Variants in PRLR observed in about 807,000 individuals in gnomAD.
PRLR encodes prolactin receptor.
Under a neutral mutation model 40.2 loss-of-function variants are expected in PRLR, and 13 were observed. The observed-to-expected ratio is 0.32, with a 90% CI of 0.21 to 0.51. The LOEUF is 0.51. Among genes scored for constraint, PRLR ranks in the 20% least tolerant of loss-of-function variants. The pLI is 0.97. For missense variants in PRLR, 656 were observed against 747.3 expected (o/e 0.88, Z 1.42); for synonymous variants, 269 against 278.7 (o/e 0.97, Z 0.35).
intron 1 of PRLR, among the ~76,000 whole-genome samples, chr5:35,123,540 G>T (rs1217043817): frequency 6.6e-6 from 1 of 152,156 alleles, no homozygotes; most frequent in Admixed American, 6.5e-5. Flanking sequence ...TGCTATTCTA[G>T]GGCCTTTGCC....
intron 1 of PRLR, among the ~76,000 whole-genome samples, chr5:35,199,817 G>C (rs11955662): frequency 0.31 from 46,639 of 151,932 alleles, 8,006 homozygotes; most frequent in African/African-American, 0.46. Context: ...ATTTGCACCC[G>C]AAGGTATTAA....
chr5:35,178,737 C>A (rs1561350325), intron 1 of PRLR, among the ~76,000 whole-genome samples: 1 of 152,146 alleles, frequency 6.6e-6, no homozygotes, highest in African/African-American at 2.4e-5. Context: ...TTTAGAAATA[C>A]CATATTTTTT....
chr5:35,090,742 A>T (rs1771143969), intron 2 of PRLR, among the ~76,000 whole-genome samples: 1 of 150,556 alleles, frequency 6.6e-6, no homozygotes, highest in African/African-American at 2.4e-5. Flanking sequence ...GACATGGAGA[A>T]ACGATAGCAA....
At chr5:35,094,120 G>A (rs780195907) in intron 2 of PRLR, among the ~76,000 whole-genome samples, 1 of 152,162 alleles carries the variant, frequency 6.6e-6, no homozygotes, top group South Asian at 2.1e-4. Context: ...TACCACTCAG[G>A]TCAAGAGATT....
rs116769574 is a variant in PRLR, at chr5:35,150,803, G to A, written c.-105-32681C>T. 2.2e-3 allele frequency among the ~76,000 whole-genome samples: 334 copies of A among 152,228 alleles called. 4 individuals are homozygous for A. Among genetic ancestry groups the A allele is most frequent in the African/African-American group, 7.4e-3 (307 of 41,538 alleles). On this transcript the variant is annotated intron_variant, in intron 1 of 9. Coordinates refer to ENST00000618457, the MANE Select transcript of PRLR (RefSeq NM_000949.7). ...GCCTTAGAGGAGACAGGACAAAGTC[G>A]GAGCTGAAAGAGACATTTTCTCCCC...
intron 5 of PRLR, among the ~76,000 whole-genome samples, chr5:35,077,702 A>T (rs1275079794): frequency 6.6e-6 from 1 of 152,190 alleles, no homozygotes; most frequent in Admixed American, 6.5e-5. Context: ...CACCAAGCGG[A>T]CCTAATAGAC....
At chr5:35,143,859 C>A (rs1774095244) in intron 1 of PRLR, among the ~76,000 whole-genome samples, 1 of 152,008 alleles carries the variant, frequency 6.6e-6, no homozygotes, top group East Asian at 1.9e-4. Flanking sequence ...GATTTTCTTT[C>A]TAAAATCAAT....
intron 1 of PRLR, among the ~76,000 whole-genome samples, chr5:35,138,471 GA>G (rs1434052174): frequency 6.6e-6 from 1 of 152,164 alleles, no homozygotes; most frequent in Non-Finnish European, 1.5e-5. Context: ...TTTTGTGATG[GA>G]ATTGCTGTGG....
At chr5:35,110,625 A>G (rs4703500) in intron 2 of PRLR, among the ~76,000 whole-genome samples, 13,230 of 152,154 alleles carry the variant, frequency 0.087, 1,478 homozygotes, top group African/African-American at 0.25. Context: ...ACTCACCAAG[A>G]GCAGGCTCAT....
intron 2 of PRLR, among the ~76,000 whole-genome samples, chr5:35,094,276 C>G (rs1771398207): frequency 6.6e-6 from 1 of 151,462 alleles, no homozygotes; most frequent in Non-Finnish European, 1.5e-5. Context: ...GATCATACAA[C>G]ATGCATTTCT....
chr5:35,218,735 T>C (rs1303316054), intron 1 of PRLR, among the ~76,000 whole-genome samples: 2 of 152,356 alleles, frequency 1.3e-5, no homozygotes, highest in African/African-American at 4.8e-5. Flanking sequence ...CCACCAGAAT[T>C]TTAAAGCAAA....
chr5:35,115,490 GC>G (rs35566625), intron 2 of PRLR, among the ~76,000 whole-genome samples: 8,393 of 152,166 alleles, frequency 0.055, 554 homozygotes, highest in East Asian at 0.18. Context: ...TAAGTATAGA[GC>G]TTTAAATGAA....
Position 35,049,090 on chromosome 5 carries a change from T to G in PRLR, c.*197A>C. The stretch of plus-strand genomic sequence containing the variant: ...ATAATTGTCCCTTTTTGTGTGGGTT[T>G]CCAGCTCCCAGTCAATTCTGCTTTG... On this transcript the variant is annotated 3_prime_UTR_variant, in exon 9 of 9. Coordinates refer to the PRLR transcript ENST00000231423. The G allele has an allele frequency of 5.8e-6, 4 of 683,950 alleles. No individual in the cohort carries two copies. In the South Asian group the frequency reaches 6.0e-5, roughly 10 times the overall value. The allele number at this position is 683,950 out of a possible 1,614,324, so 42.4% of individuals were successfully genotyped here. A position where few individuals can be genotyped will look rare whatever the true frequency, so the allele number is the denominator to read the frequency against.
intron 2 of PRLR, among the ~76,000 whole-genome samples, chr5:35,090,284 T>TAA (rs59846308): frequency 0.019 from 2,909 of 152,296 alleles, 90 homozygotes; most frequent in African/African-American, 0.067. Context: ...CAAAAGGTAA[T>TAA]AAATTCTGGT....
chr5:35,142,018 T>C (rs57422921), intron 1 of PRLR, among the ~76,000 whole-genome samples: 3,083 of 152,288 alleles, frequency 0.02, 123 homozygotes, highest in African/African-American at 0.071. Flanking sequence ...ACACTCAGAG[T>C]TGGAAAAAAT....
At chr5:35,076,900 C>G (rs529086834) in intron 5 of PRLR, among the ~76,000 whole-genome samples, 65 of 152,176 alleles carry the variant, frequency 4.3e-4, no homozygotes, top group Middle Eastern at 3.4e-3. Context: ...TCAACATTCT[C>G]AAAGAAAAGA....
At chr5:35,094,737 C>T (rs1011938169) in intron 2 of PRLR, among the ~76,000 whole-genome samples, 1 of 151,868 alleles carries the variant, frequency 6.6e-6, no homozygotes, top group Non-Finnish European at 1.5e-5. Flanking sequence ...CCTTACCTGC[C>T]TTGTTCTACC....
At chr5:35,102,771 G>T in intron 2 of PRLR, among the ~76,000 whole-genome samples, 1 of 152,064 alleles carries the variant, frequency 6.6e-6, no homozygotes, top group East Asian at 1.9e-4. Flanking sequence ...TCGAACTCCT[G>T]ACCTCAGGTG....
intron 2 of PRLR, among the ~76,000 whole-genome samples, chr5:35,091,292 G>T (rs1313848375): frequency 6.6e-6 from 1 of 152,128 alleles, no homozygotes; most frequent in Admixed American, 6.5e-5. Flanking sequence ...TCTCACCCCT[G>T]AGGGTCATCT....
Sources: gnomAD v4.1 joint callset for allele counts (sites outside exome capture counted in the v4.1 genomes callset) on GRCh38, gnomAD v4.1.1 for gene constraint, MANE v1.5 for transcripts, NCBI Gene and HGNC (gene_info 2026-07-23, HGNC 2026-07-21) for gene names.